ZNF12: variants seen among roughly 807,000 people sequenced by gnomAD.
ZNF12 encodes the protein zinc finger protein 12, also known as gonadotropin inducible transcription repressor 3.
ZNF12 carries 34 observed loss-of-function variants against 66.6 expected under a neutral mutation model. The ratio of observed to expected loss-of-function variants is 0.51; its 90% confidence interval spans 0.39 to 0.68. ZNF12 has a LOEUF of 0.68. ZNF12 is among the 30% of genes least tolerant of loss of function. The pLI is 0.00. For missense variants in ZNF12, 697 were observed against 826.9 expected (o/e 0.84, Z 1.93); for synonymous variants, 320 against 278.9 (o/e 1.15, Z -1.47).
intron 2 of ZNF12, among the ~76,000 whole-genome samples, chr7:6,703,057 C>T (rs1780282615): frequency 6.6e-6 from 1 of 152,072 alleles, no homozygotes; most frequent in South Asian, 2.1e-4. Context: ...CACACACACA[C>T]ACACACACCC....
Position 6,692,107 on chromosome 7 carries a change from A to G in ZNF12, c.835T>C (p.Cys279Arg). ...TGTATAATAAATTTTGACTTTTTAC[A>G]GAAGGATTTCCCACATTCACTGCAT... is the stretch of plus-strand genomic sequence containing the variant. The part of the protein sequence containing the change: ...YECSECGKSF[C>R]KKSKFIIHQR... Residue 279 changes from cysteine (C) to arginine (R), a missense_variant, in exon 5 of 5, where the codon TGT becomes CGT. Transcript: ENST00000405858. This position sits in a 1 kb window ranked among gnomAD's most constrained non-coding sequence, Gnocchi z 5.1. The G allele has an allele frequency of 6.2e-7, 1 of 1,614,134 alleles. No homozygotes were observed. The highest frequency in any genetic ancestry group is 8.5e-7 in the Non-Finnish European group (1 of 1,179,956).
At position 6,698,016 on chromosome 7, in the gene ZNF12, A is replaced by C. The variant is rs1441219478; in HGVS notation, c.16-205T>G. The C allele has an allele frequency of 2.2e-5, 17 of 766,750 alleles. No homozygotes were observed. The highest frequency in any genetic ancestry group is 2.8e-5 in the Non-Finnish European group (12 of 428,492). 47.5% of individuals were successfully genotyped at this position (766,750 alleles called of 1,614,324 possible). The stretch of plus-strand genomic sequence containing the variant: ...TCAAACAAAAAACAAAAAACAAAAA[A>C]ACAACACTGGGATTGCACGGTGAGC... On this transcript the variant is annotated intron_variant, in intron 2 of 4. Coordinates refer to ENST00000405858, the MANE Select transcript of ZNF12 (RefSeq NM_016265.4). The surrounding 1 kb of genome is among the most constrained non-coding windows in gnomAD (Gnocchi z 4.4).
chr7:6,691,804 G>A lies in ZNF12; in HGVS notation c.1138C>T (p.Pro380Ser), dbSNP rs1175161523. The change falls in exon 5 of 5, where the codon CCT becomes TCT. Residue 380 changes from proline to serine, a missense_variant. This residue lies in a region of ZNF12 where 401 missense variants were observed against 519.0 expected (regional missense o/e 0.77). Transcript: ENST00000405858. ...QHQRTHSGER[P>S]YVCHDCGKTF... ...TTCCCACAGTCATGACAAACATAAG[G>A]TCTCTCTCCTGAATGTGTTCTCTGA... 6.2e-7 allele frequency: 1 copy of A among 1,613,946 alleles called. No individual in the cohort carries two copies. Among genetic ancestry groups the A allele is most frequent in the Non-Finnish European group, 8.5e-7 (1 of 1,179,884 alleles).
chr7:6,691,529 T>C lies in ZNF12; in HGVS notation c.1413A>G (p.Gly471=), dbSNP rs1203714983. The C allele has an allele frequency of 1.2e-6, 2 of 1,613,682 alleles. No homozygotes were observed. Among genetic ancestry groups the C allele is most frequent in the African/African-American group, 1.3e-5 (1 of 74,808 alleles). ...GGGCTGAATTCAGGTAGAAGGTTTT[T>C]CCACATTCATTACATTCATAGGGTT... ...GEKPYECNEC[G]KTFYLNSALM... The change falls in exon 5 of 5, where the codon GGA becomes GGG. Residue 471 remains glycine (G), a synonymous_variant. Transcript: ENST00000405858.
rs867947907 is a variant in ZNF12, at chr7:6,691,011, C to T, written c.1931G>A (p.Arg644Gln). Residue 644 changes from arginine (R) to glutamine (Q), a missense_variant, in exon 5 of 5, where the codon CGG becomes CAG. This residue lies in a region of ZNF12 where 401 missense variants were observed against 519.0 expected (regional missense o/e 0.77). Transcript: ENST00000405858. ...ATAATGTACAGTGAGGTATGACATCCGAGAGAAGGCTTTTCCACACTCATT... is the reference window on the plus strand; with the variant it reads ...ATAATGTACAGTGAGGTATGACATCTGAGAGAAGGCTTTTCCACACTCATT... Reference protein sequence around the residue: ...ECNECGKAFSRMSYLTVHYRT... With the variant: ...ECNECGKAFSQMSYLTVHYRT... 20 of 1,612,676 alleles carry T rather than the reference C, an allele frequency of 1.2e-5. No homozygotes were observed. The highest frequency in any genetic ancestry group is 2.7e-5 in the African/African-American group (2 of 74,536).
chr7:6,705,857 A>G lies in ZNF12; in HGVS notation c.-51+575T>C, dbSNP rs61574402. 6.0e-4 allele frequency among the ~76,000 whole-genome samples: 91 copies of G among 152,356 alleles called. 1 individual carries two copies. In the East Asian group the frequency reaches 0.016, roughly 26 times the overall value. ...TAAAGGAATACAGTCGGCATAATTGAGTCTTTATTTGCAGAAACTTCAGTG... is the reference window on the plus strand; with the variant it reads ...TAAAGGAATACAGTCGGCATAATTGGGTCTTTATTTGCAGAAACTTCAGTG... On this transcript the variant is annotated intron_variant, in intron 1 of 4. Transcript: ENST00000405858. This position sits in a 1 kb window ranked among gnomAD's most constrained non-coding sequence, Gnocchi z 4.0.
Position 6,705,338 on chromosome 7 carries a change from G to A in ZNF12, c.-50-115C>T. 1.4e-6 allele frequency: 1 copy of A among 703,602 alleles called. No individual in the cohort carries two copies. Among genetic ancestry groups the A allele is most frequent in the Non-Finnish European group, 2.4e-6 (1 of 418,868 alleles). 43.6% of individuals were successfully genotyped at this position (703,602 alleles called of 1,614,324 possible). On this transcript the variant is annotated intron_variant, in intron 1 of 4. Coordinates refer to ENST00000405858, the MANE Select transcript of ZNF12 (RefSeq NM_016265.4). The surrounding 1 kb of genome is among the most constrained non-coding windows in gnomAD (Gnocchi z 4.0). ...CAAGAAGTACATCTTGTGGGAGACT[G>A]TCCCTTTAAGCCTTCAGAAGGGATT... is the stretch of plus-strand genomic sequence containing the variant.
chr7:6,690,741 C>G lies in ZNF12; in HGVS notation c.*107G>C. The G allele has an allele frequency of 8.5e-7, 1 of 1,170,940 alleles. No homozygotes were observed. The highest frequency in any genetic ancestry group is 1.2e-6 in the Non-Finnish European group (1 of 854,024). The allele number at this position is 1,170,940 out of a possible 1,614,324, so 72.5% of individuals were successfully genotyped here. The stretch of plus-strand genomic sequence containing the variant: ...TGAGTCCAACACACAAGGGGATGTC[C>G]ACACTAACCTGTGTGAACTCTCTGA... On this transcript the variant is annotated 3_prime_UTR_variant, in exon 5 of 5. Transcript: ENST00000405858.
At position 6,689,737 on chromosome 7, in the gene ZNF12, CCA is replaced by C. The variant is rs1780036485; in HGVS notation, c.*1109_*1110del. 3 of 152,182 alleles carry C rather than the reference CCA, an allele frequency of 2.0e-5. No homozygotes were observed. Among genetic ancestry groups the C allele is most frequent in the South Asian group, 4.2e-4 (2 of 4,790 alleles). 9.4% of individuals were successfully genotyped at this position (152,182 alleles called of 1,614,324 possible). A position where few individuals can be genotyped will look rare whatever the true frequency, so the allele number is the denominator to read the frequency against. On this transcript the variant is annotated 3_prime_UTR_variant, in exon 5 of 5. Coordinates refer to ENST00000405858, the MANE Select transcript of ZNF12 (RefSeq NM_016265.4). ...TTAGAAAGTCACTCGGCAATGTCTG[CCA>C]CAGACCCTTGTTAGAATGTGTTCTT... is the stretch of plus-strand genomic sequence containing the variant.
chr7:6,695,558 C>G (rs1346830993), intron 4 of ZNF12, among the ~76,000 whole-genome samples: 2 of 152,104 alleles, frequency 1.3e-5, no homozygotes, highest in South Asian at 2.1e-4. Flanking sequence ...AATGGATGGA[C>G]AAGAAAGTTC....
Position 6,705,055 on chromosome 7 carries a change from G to A in ZNF12, c.15+104C>T. 1.5e-6 allele frequency: 2 copies of A among 1,358,962 alleles called. No homozygotes were observed. Among genetic ancestry groups the A allele is most frequent in the Non-Finnish European group, 2.0e-6 (2 of 1,000,468 alleles). The allele number at this position is 1,358,962 out of a possible 1,614,324, so 84.2% of individuals were successfully genotyped here. ...CTACTGTTCTGTCTGACCAAATCTT[G>A]TATCTATTTCTACTTTCCCATTTTA... On this transcript the variant is annotated intron_variant, in intron 2 of 4. Coordinates refer to ENST00000405858, the MANE Select transcript of ZNF12 (RefSeq NM_016265.4). The surrounding 1 kb of genome is among the most constrained non-coding windows in gnomAD (Gnocchi z 4.0).
rs774266594 is a variant in ZNF12 at position 6,706,500 on chromosome 7, G to A, written c.-119C>T. The A allele has an allele frequency of 2.1e-6, 1 of 471,140 alleles. No individual in the cohort carries two copies. Among genetic ancestry groups the A allele is most frequent in the Admixed American group, 2.3e-5 (1 of 43,994 alleles). 29.2% of individuals were successfully genotyped at this position (471,140 alleles called of 1,614,324 possible). ...CCGGGGCGGGATTGCTGTCGCGGGCGCGCGTCTGCTCGCGAGGTCCCTTCC... is the reference window on the plus strand; with the variant it reads ...CCGGGGCGGGATTGCTGTCGCGGGCACGCGTCTGCTCGCGAGGTCCCTTCC... On this transcript the variant is annotated 5_prime_UTR_variant, in exon 1 of 5. Coordinates refer to ENST00000405858, the MANE Select transcript of ZNF12 (RefSeq NM_016265.4).
chr7:6,693,614 A>G (rs750748943), intron 4 of ZNF12, among the ~76,000 whole-genome samples: 1 of 152,250 alleles, frequency 6.6e-6, no homozygotes, highest in Admixed American at 6.5e-5. Flanking sequence ...AATTCTCTGT[A>G]GTCAGTATCC....
Position 6,691,182 on chromosome 7 carries a change from CAGA to C in ZNF12, c.1757_1759del (p.Phe586del), listed in dbSNP as rs1362915867. The C allele has an allele frequency of 4.3e-6, 7 of 1,613,208 alleles. No homozygotes were observed. Among genetic ancestry groups the C allele is most frequent in the Non-Finnish European group, 5.1e-6 (6 of 1,179,856 alleles). On this transcript the variant is annotated inframe_deletion, in exon 5 of 5. Coordinates refer to ENST00000405858, the MANE Select transcript of ZNF12 (RefSeq NM_016265.4). The stretch of plus-strand genomic sequence containing the variant: ...ATGTCGATTAAGGGCTGAATTCTGG[CAGA>C]AGGTTTTCCCACATTCACTACATTC...
rs763518615 is a variant in ZNF12 at position 6,697,825 on chromosome 7, G to A, written c.16-14C>T. ...TGACACTGGCCCCTGAAATGGCACCGTGATTGGAATTGGGTGACGTGAAAT... is the reference window on the plus strand; with the variant it reads ...TGACACTGGCCCCTGAAATGGCACCATGATTGGAATTGGGTGACGTGAAAT... On this transcript the variant is annotated splice_polypyrimidine_tract_variant and intron_variant, in intron 2 of 4. Coordinates refer to ENST00000405858, the MANE Select transcript of ZNF12 (RefSeq NM_016265.4). This position sits in a 1 kb window ranked among gnomAD's most constrained non-coding sequence, Gnocchi z 6.1. 5.6e-6 allele frequency: 9 copies of A among 1,613,874 alleles called. No homozygotes were observed. The highest frequency in any genetic ancestry group is 1.1e-5 in the South Asian group (1 of 91,080).
In ZNF12 at chr7:6,689,640, T is replaced by G. The variant is rs113885395; in HGVS notation, c.*1208A>C. ...CTTGTTAGAATGTGTTCTTAATTCA[T>G]TAACAGGAAGGAGTAGAGCACAAGG... On this transcript the variant is annotated 3_prime_UTR_variant, in exon 5 of 5. Coordinates refer to ENST00000405858, the MANE Select transcript of ZNF12 (RefSeq NM_016265.4). 9 of 152,258 alleles carry G rather than the reference T, an allele frequency of 5.9e-5. No homozygotes were observed. Among genetic ancestry groups the G allele is most frequent in the African/African-American group, 2.2e-4 (9 of 41,288 alleles). 9.4% of individuals were successfully genotyped at this position (152,258 alleles called of 1,614,324 possible). A position where few individuals can be genotyped will look rare whatever the true frequency, so the allele number is the denominator to read the frequency against.
Position 6,705,390 on chromosome 7 carries a change from C to A in ZNF12, c.-50-167G>T, listed in dbSNP as rs532553605. Among the ~76,000 whole-genome samples the A allele has an allele frequency of 2.5e-4, 38 of 152,364 alleles. No homozygotes were observed. Among genetic ancestry groups the A allele is most frequent in the Admixed American group, 1.5e-3 (23 of 15,306 alleles). The stretch of plus-strand genomic sequence containing the variant: ...GAAAATGATCAGGAGGGGGACCGAT[C>A]TGCACATTTGAAACTCACACATGGC... On this transcript the variant is annotated intron_variant, in intron 1 of 4. Coordinates refer to ENST00000405858, the MANE Select transcript of ZNF12 (RefSeq NM_016265.4). The surrounding 1 kb of genome is among the most constrained non-coding windows in gnomAD (Gnocchi z 4.0).
rs1489166644 is a variant in ZNF12 at position 6,691,524 on chromosome 7, G to C, written c.1418C>G (p.Thr473Ser). The change falls in exon 5 of 5, where the codon ACC (threonine) becomes AGC (serine). Residue 473 changes from threonine to serine, a missense_variant. By Grantham distance (58) the Thr-to-Ser change is moderately conservative. This residue lies in a region of ZNF12 where 401 missense variants were observed against 519.0 expected (regional missense o/e 0.77). Coordinates refer to ENST00000405858, the MANE Select transcript of ZNF12 (RefSeq NM_016265.4). The stretch of plus-strand genomic sequence containing the variant: ...CATGAGGGCTGAATTCAGGTAGAAG[G>C]TTTTTCCACATTCATTACATTCATA... ...KPYECNECGK[T>S]FYLNSALMRH... The C allele has an allele frequency of 1.2e-6, 2 of 1,613,798 alleles. No individual in the cohort carries two copies. Among genetic ancestry groups the C allele is most frequent in the African/African-American group, 2.7e-5 (2 of 74,856 alleles).
In ZNF12 at chr7:6,705,045, A is replaced by G. The variant is rs540764882; in HGVS notation, c.15+114T>C. On this transcript the variant is annotated intron_variant, in intron 2 of 4. Coordinates refer to ENST00000405858, the MANE Select transcript of ZNF12 (RefSeq NM_016265.4). The surrounding 1 kb of genome is among the most constrained non-coding windows in gnomAD (Gnocchi z 4.0). ...GTGCTGATGGCTACTGTTCTGTCTG[A>G]CCAAATCTTGTATCTATTTCTACTT... The G allele has an allele frequency of 7.7e-7, 1 of 1,296,684 alleles. No homozygotes were observed. The highest frequency in any genetic ancestry group is 1.5e-5 in the South Asian group (1 of 66,178). 80.3% of individuals were successfully genotyped at this position (1,296,684 alleles called of 1,614,324 possible). A position where few individuals can be genotyped will look rare whatever the true frequency, so the allele number is the denominator to read the frequency against.
Sources: gnomAD v4.1 joint callset for allele counts (sites outside exome capture counted in the v4.1 genomes callset) on GRCh38, gnomAD v4.1.1 for gene constraint, gnomAD v4.1.1 regional missense constraint, Gnocchi (gnomAD v3.1) non-coding constraint, MANE v1.5 for transcripts, NCBI Gene and HGNC (gene_info 2026-07-23, HGNC 2026-07-21) for gene names.